TAFA1: variants seen among roughly 807,000 people sequenced by gnomAD.
TAFA1 encodes the protein chemokine-like protein TAFA-1.
TAFA1 carries 4 observed loss-of-function variants against 18.5 expected under a neutral mutation model. That is an observed-to-expected ratio of 0.22 (90% CI 0.11 to 0.49). TAFA1 has a LOEUF of 0.49. Ranked by LOEUF, TAFA1 falls within the 20% of genes least tolerant of loss-of-function variation. The probability of loss-of-function intolerance (pLI) is 0.98; values close to 1 mark genes in which losing one functional copy is unlikely to be tolerated. For synonymous variants in TAFA1, 56 were observed against 55.2 expected (o/e 1.01, Z -0.06); for missense variants, 147 against 169.0 (o/e 0.87, Z 0.72).
chr3:68,166,016 A>G (rs1469299391), intron 2 of TAFA1, among the ~76,000 whole-genome samples: 1 of 152,212 alleles, frequency 6.6e-6, no homozygotes, highest in African/African-American at 2.4e-5. Context: ...TGAACGGTCT[A>G]TAGGAAATTG....
chr3:68,055,260 A>C (rs937309427), intron 2 of TAFA1, among the ~76,000 whole-genome samples: 1 of 152,170 alleles, frequency 6.6e-6, no homozygotes, highest in Non-Finnish European at 1.5e-5. Flanking sequence ...TTTATAATCC[A>C]ACTCTTAAGT....
At chr3:68,022,695 T>G (rs979182176) in intron 2 of TAFA1, among the ~76,000 whole-genome samples, 33 of 151,206 alleles carry the variant, frequency 2.2e-4, no homozygotes, top group African/African-American at 7.6e-4. Context: ...CAAGGGAAAA[T>G]GCATTGGTTT....
intron 2 of TAFA1, among the ~76,000 whole-genome samples, chr3:68,362,780 T>C (rs1413229583): frequency 2.0e-5 from 3 of 151,970 alleles, no homozygotes; most frequent in Non-Finnish European, 4.4e-5. Flanking sequence ...ATGATATCAC[T>C]CACCAGGAAA....
At chr3:68,340,407 T>C (rs2069059580) in intron 2 of TAFA1, among the ~76,000 whole-genome samples, 1 of 152,204 alleles carries the variant, frequency 6.6e-6, no homozygotes, top group South Asian at 2.1e-4. Context: ...CATATGTCAA[T>C]ATGTCATGTG....
At chr3:68,438,587 G>A (rs2071307082) in intron 3 of TAFA1, among the ~76,000 whole-genome samples, 1 of 151,998 alleles carries the variant, frequency 6.6e-6, no homozygotes, top group South Asian at 2.1e-4. Flanking sequence ...TTGTTCTGGT[G>A]GGGACTCCCT....
At chr3:68,055,750 A>G (rs2106713678) in intron 2 of TAFA1, among the ~76,000 whole-genome samples, 1 of 152,110 alleles carries the variant, frequency 6.6e-6, no homozygotes, top group Non-Finnish European at 1.5e-5. Flanking sequence ...ATTTACACAG[A>G]TGTCCCTTTC....
intron 2 of TAFA1, among the ~76,000 whole-genome samples, chr3:68,365,923 A>G (rs886268899): frequency 7.2e-5 from 11 of 151,888 alleles, no homozygotes; most frequent in African/African-American, 2.7e-4. Flanking sequence ...TGTCTCTACT[A>G]AAAATACAAA....
intron 3 of TAFA1, among the ~76,000 whole-genome samples, chr3:68,433,001 C>G (rs1559667815): frequency 6.6e-6 from 1 of 151,972 alleles, no homozygotes; most frequent in South Asian, 2.1e-4. Flanking sequence ...AGTCTATGCA[C>G]CTAGCCTAAT....
intron 3 of TAFA1, 121 bp from the exon 4 acceptor site, chr3:68,538,635 T>C (rs566904838): frequency 3.4e-6 from 3 of 882,762 alleles, no homozygotes; most frequent in African/African-American, 3.3e-5. Flanking sequence ...TAGCTAGTCA[T>C]GGAGGATTAA....
chr3:68,071,684 A>G (rs925038849), intron 2 of TAFA1, among the ~76,000 whole-genome samples: 5 of 152,172 alleles, frequency 3.3e-5, no homozygotes, highest in Admixed American at 6.5e-5. Flanking sequence ...GAAACACCAG[A>G]GGCTGGATAA....
intron 3 of TAFA1, among the ~76,000 whole-genome samples, chr3:68,448,781 C>T (rs1055413785): frequency 6.6e-5 from 10 of 152,294 alleles, no homozygotes; most frequent in African/African-American, 1.4e-4. Flanking sequence ...AGTCAGCTAA[C>T]GTCTCTGGGT....
chr3:68,148,307 A>C (rs2106916169), intron 2 of TAFA1, among the ~76,000 whole-genome samples: 1 of 152,334 alleles, frequency 6.6e-6, no homozygotes, highest in East Asian at 1.9e-4. Context: ...TTTTGCAAGA[A>C]GCCTTATGTA....
intron 2 of TAFA1, among the ~76,000 whole-genome samples, chr3:68,139,922 T>C (rs1410690010): frequency 6.6e-6 from 1 of 152,162 alleles, no homozygotes; most frequent in Non-Finnish European, 1.5e-5. Context: ...AAAGAACCTG[T>C]TTTGTTATCG....
chr3:68,422,231 G>T (rs896072998), intron 3 of TAFA1, among the ~76,000 whole-genome samples: 1 of 152,054 alleles, frequency 6.6e-6, no homozygotes. Context: ...ATTGTTAATA[G>T]CTATATGGGT....
chr3:68,258,134 T>C (rs1417348164), intron 2 of TAFA1, among the ~76,000 whole-genome samples: 3 of 152,166 alleles, frequency 2.0e-5, no homozygotes, highest in Non-Finnish European at 4.4e-5. Context: ...GTTTAGTTAA[T>C]AGTAATGTGT....
chr3:68,354,042 A>G (rs2069318491), intron 2 of TAFA1, among the ~76,000 whole-genome samples: 1 of 151,976 alleles, frequency 6.6e-6, no homozygotes, highest in Non-Finnish European at 1.5e-5. Context: ...CCCTGTATAT[A>G]TACTAACTGA....
chr3:68,110,308 C>T (rs979510479), intron 2 of TAFA1, among the ~76,000 whole-genome samples: 1 of 152,150 alleles, frequency 6.6e-6, no homozygotes, highest in African/African-American at 2.4e-5. Context: ...AACATGAGCT[C>T]ATTCCTTTTT....
chr3:68,166,088 A>G (rs1336386382), intron 2 of TAFA1, among the ~76,000 whole-genome samples: 3 of 136,836 alleles, frequency 2.2e-5, no homozygotes, highest in Admixed American at 7.9e-5. Flanking sequence ...GCGCAAAGTC[A>G]TAGAGGTATG....
intron 2 of TAFA1, among the ~76,000 whole-genome samples, chr3:68,052,394 A>G (rs1559718149): frequency 6.6e-6 from 1 of 152,112 alleles, no homozygotes; most frequent in African/African-American, 2.4e-5. Context: ...GGTTCCTGTG[A>G]CTACTCTGAG....
Sources: allele counts gnomAD v4.1 joint callset (sites outside exome capture counted in the v4.1 genomes callset), GRCh38; gene constraint gnomAD v4.1.1; transcripts MANE v1.5; gene names NCBI Gene and HGNC (gene_info 2026-07-23, HGNC 2026-07-21).